Variants in AMPH observed in about 807,000 individuals in gnomAD.
AMPH encodes the protein amphiphysin (Stiff-Mann syndrome with breast cancer 128kD autoantigen).
In AMPH, 49 loss-of-function variants were observed where a neutral mutation model predicts 99.1. The observed-to-expected ratio is 0.49, with a 90% CI of 0.39 to 0.63. The LOEUF (loss-of-function observed/expected upper bound fraction) is 0.63, where lower values mean the gene tolerates loss of function less well. AMPH is among the 20% of genes least tolerant of loss of function. AMPH has a pLI of 0.00. For missense variants in AMPH, 759 were observed against 863.4 expected, an observed-to-expected ratio of 0.88 and a Z score of 1.52; for synonymous variants, 314 against 317.3, an observed-to-expected ratio of 0.99 and a Z score of 0.11.
chr7:38,506,824 C>T (rs1209813511), intron 2 of AMPH, among the ~76,000 whole-genome samples: 1 of 152,206 alleles, frequency 6.6e-6, no homozygotes, highest in African/African-American at 2.4e-5. Context: ...AAACACAGAA[C>T]TTCACAGATT....
chr7:38,488,599 C>G (rs1387921094), intron 5 of AMPH, among the ~76,000 whole-genome samples: 3 of 152,074 alleles, frequency 2.0e-5, no homozygotes, highest in Admixed American at 1.3e-4. Flanking sequence ...CGGCAAACCA[C>G]CATGGCACAC....
At chr7:38,485,211 C>T (rs544717683) in intron 5 of AMPH, among the ~76,000 whole-genome samples, 49 of 151,834 alleles carry the variant, frequency 3.2e-4, no homozygotes, top group Non-Finnish European at 5.8e-4. Flanking sequence ...AAAAAAGATC[C>T]AACTATTTAT....
intron 1 of AMPH, among the ~76,000 whole-genome samples, chr7:38,549,273 G>T (rs1791100947): frequency 6.6e-6 from 1 of 152,138 alleles, no homozygotes; most frequent in African/African-American, 2.4e-5. Flanking sequence ...TTGGTAAGAT[G>T]TTGATTTTCC....
chr7:38,575,826 G>A (rs1459691023), intron 1 of AMPH, among the ~76,000 whole-genome samples: 1 of 152,152 alleles, frequency 6.6e-6, no homozygotes, highest in Non-Finnish European at 1.5e-5. Flanking sequence ...CGCTGCCCAG[G>A]CTCTGCTACT....
At chr7:38,534,545 T>C (rs1216801287) in intron 2 of AMPH, among the ~76,000 whole-genome samples, 1 of 152,046 alleles carries the variant, frequency 6.6e-6, no homozygotes, top group Non-Finnish European at 1.5e-5. Flanking sequence ...TATGATGGTG[T>C]ACACCTGTAA....
intron 11 of AMPH, among the ~76,000 whole-genome samples, chr7:38,456,600 G>A (rs1002600322): frequency 6.6e-6 from 1 of 152,172 alleles, no homozygotes; most frequent in Non-Finnish European, 1.5e-5. Context: ...CAAGGGACTG[G>A]CACACCCCAC....
Position 38,565,766 on chromosome 7 carries a change from G to A in AMPH, c.70-30755C>T, listed in dbSNP as rs949166799. On this transcript the variant is annotated intron_variant, in intron 1 of 20. Coordinates refer to ENST00000356264, the MANE Select transcript of AMPH (RefSeq NM_001635.4). ...TGGGAGATGAAAGCAAAGGGAGGCTGAGCTGCAAGAGTTCCGGGTCCTTCA... is the reference window on the plus strand; with the variant it reads ...TGGGAGATGAAAGCAAAGGGAGGCTAAGCTGCAAGAGTTCCGGGTCCTTCA... Among the ~76,000 whole-genome samples, 3 of 152,142 alleles carry A rather than the reference G, an allele frequency of 2.0e-5. No individual in the cohort carries two copies. In the East Asian group the frequency reaches 5.8e-4, roughly 29 times the overall value.
chr7:38,455,257 G>A (rs1584114319), intron 11 of AMPH, among the ~76,000 whole-genome samples: 1 of 151,946 alleles, frequency 6.6e-6, no homozygotes, highest in Admixed American at 6.6e-5. Context: ...TTTTAGTAGC[G>A]ACAGGGTTTC....
At chr7:38,540,514 C>T (rs1466092426) in intron 1 of AMPH, among the ~76,000 whole-genome samples, 2 of 151,536 alleles carry the variant, frequency 1.3e-5, no homozygotes, top group Non-Finnish European at 2.9e-5. Context: ...ATCTTAATTG[C>T]CTTCTCTTAC....
At chr7:38,406,727 T>TG (rs1562732418) in intron 17 of AMPH, among the ~76,000 whole-genome samples, 5 of 63,382 alleles carry the variant, frequency 7.9e-5, no homozygotes, top group East Asian at 5.1e-4. Context: ...TCTCTCTCCC[T>TG]TTCCCTCTCT....
intron 11 of AMPH, among the ~76,000 whole-genome samples, chr7:38,458,419 A>T (rs193195823): frequency 3.3e-5 from 5 of 152,158 alleles, no homozygotes; most frequent in Admixed American, 6.5e-5. Flanking sequence ...AAAGAAAACT[A>T]TAAGCAAATA....
At chr7:38,592,597 G>C (rs538972064) in intron 1 of AMPH, among the ~76,000 whole-genome samples, 3 of 152,160 alleles carry the variant, frequency 2.0e-5, no homozygotes, top group Middle Eastern at 6.8e-3. Flanking sequence ...CGGGCATGGT[G>C]GTGGGCACCT....
At chr7:38,418,184 C>G (rs1584062776) in intron 16 of AMPH, among the ~76,000 whole-genome samples, 1 of 152,242 alleles carries the variant, frequency 6.6e-6, no homozygotes, top group East Asian at 1.9e-4. Context: ...TGTCATTTCC[C>G]TTGAAGTCAG....
chr7:38,412,357 C>T (rs1412152712), intron 17 of AMPH, among the ~76,000 whole-genome samples: 1 of 152,204 alleles, frequency 6.6e-6, no homozygotes, highest in Non-Finnish European at 1.5e-5. Flanking sequence ...TTCATGTTCA[C>T]ATAGATTTAT....
chr7:38,477,090 G>C (rs1788115469), intron 5 of AMPH, 121 bp from the exon 6 acceptor site: 2 of 746,038 alleles, frequency 2.7e-6, no homozygotes, highest in Non-Finnish European at 4.5e-6. Flanking sequence ...TGGAGATCAA[G>C]ATGGGCTGGA....
At chr7:38,543,043 G>A (rs976676575) in intron 1 of AMPH, among the ~76,000 whole-genome samples, 8 of 151,152 alleles carry the variant, frequency 5.3e-5, no homozygotes, top group African/African-American at 1.5e-4. Flanking sequence ...GCAGTGAGCC[G>A]AGATCGTGCC....
chr7:38,509,885 G>T (rs540257700), intron 2 of AMPH, among the ~76,000 whole-genome samples: 6 of 152,128 alleles, frequency 3.9e-5, no homozygotes, highest in Non-Finnish European at 8.8e-5. Flanking sequence ...ATAGATGCTA[G>T]CTCTATCTAT....
At chr7:38,417,405 T>C (rs1785419679) in intron 17 of AMPH, among the ~76,000 whole-genome samples, 2 of 152,352 alleles carry the variant, frequency 1.3e-5, no homozygotes, top group Middle Eastern at 3.4e-3. Flanking sequence ...CAACACCTCA[T>C]TGGACCTTAA....
intron 2 of AMPH, among the ~76,000 whole-genome samples, chr7:38,517,433 T>G (rs558434928): frequency 6.6e-6 from 1 of 152,348 alleles, no homozygotes; most frequent in Non-Finnish European, 1.5e-5. Context: ...CCATGTAAGC[T>G]GTACCTCCTT....
Sources: allele counts gnomAD v4.1 joint callset (sites outside exome capture counted in the v4.1 genomes callset), GRCh38; gene constraint gnomAD v4.1.1; transcripts MANE v1.5; gene names NCBI Gene and HGNC (gene_info 2026-07-23, HGNC 2026-07-21).